The following HS3ST1 variants were observed in gnomAD, a reference collection of about 807,000 sequenced individuals.
The protein encoded by HS3ST1 is heparan sulfate glucosamine 3-O-sulfotransferase 1.
In HS3ST1, 8 loss-of-function variants were observed where a neutral mutation model predicts 20.7. The ratio of observed to expected loss-of-function variants is 0.39; its 90% CI spans 0.23 to 0.70. The LOEUF is 0.70. Ranked by LOEUF, HS3ST1 falls within the 30% of genes least tolerant of loss-of-function variation. HS3ST1 has a pLI of 0.46. For synonymous variants in HS3ST1, 205 were observed against 190.4 expected, an observed-to-expected ratio of 1.08 and a Z score of -0.63; for missense variants, 436 against 423.4, an observed-to-expected ratio of 1.03 and a Z score of -0.26.
chr4:11,417,197 T>C (rs986974980), intron 1 of HS3ST1, among the ~76,000 whole-genome samples: 1 of 152,218 alleles, frequency 6.6e-6, no homozygotes, highest in African/African-American at 2.4e-5. Context: ...CTATGTGTAT[T>C]AAACATTCTA....
chr4:11,418,553 A>G (rs1718845338), intron 1 of HS3ST1, among the ~76,000 whole-genome samples: 1 of 152,156 alleles, frequency 6.6e-6, no homozygotes, highest in Admixed American at 6.5e-5. Context: ...GCCACCATGA[A>G]TTTCAAACTG....
At chr4:11,406,940 A>G (rs1718482561) in intron 1 of HS3ST1, among the ~76,000 whole-genome samples, 1 of 152,064 alleles carries the variant, frequency 6.6e-6, no homozygotes, top group Admixed American at 6.6e-5. Flanking sequence ...ACATGTCTTC[A>G]CTTTCATCTT....
Position 11,399,984 on chromosome 4 carries a change from C to T in HS3ST1, c.22G>A (p.Ala8Thr), listed in dbSNP as rs1351805405. MAALLLG[A>T]VLLVAQPQLV... ...TGGGGCTGGGCCACCAGCAGCACCG[C>T]GCCCAGGAGCAGCGCGGCCATGCTG... The change falls in exon 2 of 2, where the codon GCG becomes ACG. Residue 8 changes from alanine (A) to threonine (T), a missense_variant. Physicochemically the swap from Ala to Thr is moderately conservative, Grantham distance 58. Transcript: ENST00000002596. The surrounding 1 kb of genome is among the most constrained non-coding windows in gnomAD (Gnocchi z 5.1). 6.5e-6 allele frequency: 10 copies of T among 1,535,912 alleles called. No individual in the cohort carries two copies. Among genetic ancestry groups the T allele is most frequent in the East Asian group, 2.4e-5 (1 of 41,040 alleles).
At chr4:11,419,707 A>G (rs1718877321) in intron 1 of HS3ST1, among the ~76,000 whole-genome samples, 1 of 152,228 alleles carries the variant, frequency 6.6e-6, no homozygotes, top group South Asian at 2.1e-4. Context: ...CGTATATGGT[A>G]GGGGCACATT....
intron 1 of HS3ST1, among the ~76,000 whole-genome samples, chr4:11,418,433 T>G (rs1171522548): frequency 6.6e-6 from 1 of 152,216 alleles, no homozygotes; most frequent in Non-Finnish European, 1.5e-5. Context: ...ATAATTCTGT[T>G]TGACAGATAA....
intron 1 of HS3ST1, among the ~76,000 whole-genome samples, chr4:11,423,021 CAAAAAAAAAA>C (rs71181101): frequency 0.012 from 405 of 34,402 alleles, 9 homozygotes; most frequent in African/African-American, 0.047. Flanking sequence ...GAGACACCGT[CAAAAAAAAAA>C]AAAAAAAAAA....
intron 1 of HS3ST1, among the ~76,000 whole-genome samples, chr4:11,411,230 G>C (rs569043890): frequency 6.6e-6 from 1 of 152,286 alleles, no homozygotes; most frequent in South Asian, 2.1e-4. Context: ...AGCTCAAGGG[G>C]AAAACTGGCA....
upstream of HS3ST1, among the ~76,000 whole-genome samples, chr4:11,432,426 T>A (rs1326732153): frequency 2.0e-5 from 3 of 152,208 alleles, no homozygotes; most frequent in Non-Finnish European, 4.4e-5. Context: ...AAGTCCTGAT[T>A]TAGATGAGGT....
At chr4:11,422,146 T>C (rs1718956177) in intron 1 of HS3ST1, among the ~76,000 whole-genome samples, 1 of 152,244 alleles carries the variant, frequency 6.6e-6, no homozygotes, top group Non-Finnish European at 1.5e-5. Context: ...ATCCCTAAAA[T>C]AGACAAATGA....
upstream of HS3ST1, among the ~76,000 whole-genome samples, chr4:11,430,924 A>G (rs1362624284): frequency 5.3e-5 from 8 of 152,196 alleles, no homozygotes; most frequent in African/African-American, 1.9e-4. Context: ...AAAAACACCA[A>G]CTGGCTATTT....
chr4:11,402,182 A>G (rs572590043), intron 1 of HS3ST1, among the ~76,000 whole-genome samples: 73 of 152,366 alleles, frequency 4.8e-4, no homozygotes, highest in Non-Finnish European at 7.5e-4. Context: ...CAGCTAATCT[A>G]CCTTTCTCAG....
At chr4:11,416,954 C>T (rs956872344) in intron 1 of HS3ST1, among the ~76,000 whole-genome samples, 5 of 152,128 alleles carry the variant, frequency 3.3e-5, no homozygotes, top group African/African-American at 9.7e-5. Context: ...AAAAGTTCTA[C>T]GCAGAGGAAA....
At chr4:11,403,091 C>T (rs1718370911) in intron 1 of HS3ST1, among the ~76,000 whole-genome samples, 1 of 152,182 alleles carries the variant, frequency 6.6e-6, no homozygotes, top group South Asian at 2.1e-4. Context: ...TATACGCACA[C>T]ATATACATAC....
At chr4:11,429,312 G>A (rs1719152877), upstream of HS3ST1, 1 of 152,524 alleles carries the variant, frequency 6.6e-6, no homozygotes, top group African/African-American at 2.4e-5. Flanking sequence ...TGCTTGGTCT[G>A]AGCCCGAGTC....
chr4:11,407,865 T>A (rs538706173), intron 1 of HS3ST1, among the ~76,000 whole-genome samples: 2 of 152,366 alleles, frequency 1.3e-5, no homozygotes, highest in South Asian at 4.1e-4. Context: ...GGAGCTGATG[T>A]AACCCTCGAT....
chr4:11,398,092 C>T lies in HS3ST1; in HGVS notation c.*990G>A, dbSNP rs1035420365. The T allele has an allele frequency of 6.6e-6, 1 of 152,172 alleles. No homozygotes were observed. The highest frequency in any genetic ancestry group is 1.5e-5 in the Non-Finnish European group (1 of 68,036). 9.4% of individuals were successfully genotyped at this position (152,172 alleles called of 1,614,324 possible). A position where few individuals can be genotyped will look rare whatever the true frequency, so the allele number is the denominator to read the frequency against. ...ACTTGGGAACTTACTTTTTCTTTCA[C>T]ATTCAGGACTCCAAATTTAGAGTTG... On this transcript the variant is annotated 3_prime_UTR_variant, in exon 2 of 2. Transcript: ENST00000002596.
In HS3ST1 at chr4:11,399,908, T is replaced by C. The variant is rs774014062; in HGVS notation, c.98A>G (p.Lys33Arg). ...AELGQQELLR[K>R]AGTLQDDVRD... ...GACGTCATCCTGGAGGGTCCCCGCTTTCCGCAGAAGCTCCTGCTGGCCTAG... is the reference window on the plus strand; with the variant it reads ...GACGTCATCCTGGAGGGTCCCCGCTCTCCGCAGAAGCTCCTGCTGGCCTAG... The change falls in exon 2 of 2, where the codon AAA (lysine) becomes AGA (arginine). Residue 33 changes from lysine (K) to arginine (R), a missense_variant. Transcript: ENST00000002596. This position sits in a 1 kb window ranked among gnomAD's most constrained non-coding sequence, Gnocchi z 5.1. 3 of 1,607,118 alleles carry C rather than the reference T, an allele frequency of 1.9e-6. No individual in the cohort carries two copies. The highest frequency in any genetic ancestry group is 2.5e-6 in the Non-Finnish European group (3 of 1,178,362).
At chr4:11,411,799 C>T (rs1397311536) in intron 1 of HS3ST1, among the ~76,000 whole-genome samples, 1 of 152,116 alleles carries the variant, frequency 6.6e-6, no homozygotes, top group East Asian at 1.9e-4. Context: ...AGGAGAAGTT[C>T]AGGAATCATC....
intron 1 of HS3ST1, among the ~76,000 whole-genome samples, chr4:11,408,369 A>G (rs1405724040): frequency 6.6e-6 from 1 of 152,218 alleles, no homozygotes; most frequent in Non-Finnish European, 1.5e-5. Flanking sequence ...GGTGGTATAA[A>G]TGGGATCCTG....
Sources: gnomAD v4.1 joint callset for allele counts (sites outside exome capture counted in the v4.1 genomes callset) on GRCh38, gnomAD v4.1.1 for gene constraint, Gnocchi (gnomAD v3.1) non-coding constraint, MANE v1.5 for transcripts, NCBI Gene and HGNC (gene_info 2026-07-23, HGNC 2026-07-21) for gene names.